Variants in PARVB observed in about 807,000 individuals in gnomAD.
The protein encoded by PARVB is parvin beta.
A neutral mutation model predicts 47.0 loss-of-function variants in PARVB; 46 were observed. The ratio of observed to expected loss-of-function variants is 0.98; its 90% CI spans 0.77 to 1.25. PARVB has a LOEUF of 1.25. Among genes scored for constraint, PARVB ranks in the 50% most tolerant of loss-of-function variants. The probability of loss-of-function intolerance (pLI) is 0.00; values close to 1 mark genes in which losing one functional copy is unlikely to be tolerated. For missense variants in PARVB, 473 were observed against 471.6 expected (o/e 1.00, Z -0.03); for synonymous variants, 196 against 196.3 (o/e 1.00, Z 0.01).
chr22:44,048,813 GC>G (rs1361850076), intron 1 of PARVB, among the ~76,000 whole-genome samples: 34 of 152,238 alleles, frequency 2.2e-4, no homozygotes, highest in Non-Finnish European at 5.9e-5. Flanking sequence ...GCCTGCCTCG[GC>G]CTCTCAAAGT....
chr22:44,087,331 C>T (rs2052047322), intron 1 of PARVB, among the ~76,000 whole-genome samples: 1 of 152,216 alleles, frequency 6.6e-6, no homozygotes, highest in East Asian at 1.9e-4. Flanking sequence ...AAATGACACA[C>T]TTAGAAAAGT....
chr22:44,064,509 C>T (rs1480421302), intron 1 of PARVB, among the ~76,000 whole-genome samples: 1 of 152,184 alleles, frequency 6.6e-6, no homozygotes, highest in African/African-American at 2.4e-5. Flanking sequence ...AGGGGCAGTT[C>T]TCACCTGTGG....
chr22:44,043,048 A>G (rs1569071576), intron 1 of PARVB, among the ~76,000 whole-genome samples: 2 of 152,234 alleles, frequency 1.3e-5, no homozygotes, highest in Non-Finnish European at 2.9e-5. Context: ...TGCTCCATCC[A>G]TACGATAGAA....
chr22:44,029,937 C>G (rs1170095606), intron 1 of PARVB, among the ~76,000 whole-genome samples: 1 of 151,870 alleles, frequency 6.6e-6, no homozygotes, highest in Non-Finnish European at 1.5e-5. Context: ...GAAAAGAAAT[C>G]ACTAGGTAGC....
chr22:44,091,876 T>A (rs2052175762), intron 1 of PARVB, among the ~76,000 whole-genome samples: 1 of 152,108 alleles, frequency 6.6e-6, no homozygotes, highest in Non-Finnish European at 1.5e-5. Context: ...GCAAATATAT[T>A]ACCTTCGGGG....
chr22:44,086,386 G>T lies in PARVB; in HGVS notation c.113-7542G>T, dbSNP rs2052024884. On this transcript the variant is annotated intron_variant, in intron 1 of 12. Coordinates refer to ENST00000338758, the MANE Select transcript of PARVB (RefSeq NM_013327.5). ...CTCTCTGGCACTGTTAGCCTTTGCT[G>T]CCTTTTATCCTAGGCAAGACACTTT... 3.9e-5 allele frequency among the ~76,000 whole-genome samples: 6 copies of T among 152,196 alleles called. No individual in the cohort carries two copies. In the South Asian group the frequency reaches 1.2e-3, roughly 32 times the overall value.
intron 1 of PARVB, among the ~76,000 whole-genome samples, chr22:44,033,269 T>C (rs1165876926): frequency 6.6e-6 from 1 of 152,164 alleles, no homozygotes; most frequent in East Asian, 1.9e-4. Flanking sequence ...CTCAAACTCC[T>C]GACCTCAACT....
rs138317941 is a variant in PARVB at position 44,156,556 on chromosome 22, C to T, written c.844-1426C>T. ...CCACCCAAAGTGCTAGGATTACAGG[C>T]GTGAGCCACTGCGCCTAGAAGTTTT... On this transcript the variant is annotated intron_variant, in intron 10 of 12. Transcript: ENST00000338758. Among the ~76,000 whole-genome samples, 534 of 152,128 alleles carry T rather than the reference C, an allele frequency of 3.5e-3. 6 individuals carry two copies. Among genetic ancestry groups the T allele is most frequent in the African/African-American group, 0.012 (501 of 41,512 alleles).
At chr22:44,136,602 C>T in intron 7 of PARVB, 84 bp downstream of exon 7, 1 of 1,142,676 alleles carries the variant, frequency 8.8e-7, no homozygotes, top group Admixed American at 1.7e-5. Flanking sequence ...CCAGGGACAC[C>T]AGCGCCCATG....
At chr22:44,066,075 C>G (rs1318375533) in intron 1 of PARVB, among the ~76,000 whole-genome samples, 1 of 152,174 alleles carries the variant, frequency 6.6e-6, no homozygotes, top group Non-Finnish European at 1.5e-5. Context: ...TTAAAAGCTG[C>G]TAAAAAGGAA....
intron 8 of PARVB, chr22:44,140,674 A>G (rs574426300): frequency 1.6e-5 from 8 of 498,662 alleles, no homozygotes; most frequent in Non-Finnish European, 2.4e-5. Context: ...TCATCCGTGA[A>G]ATGGGAGTGT....
At chr22:44,163,115 G>A (rs1385642600) in intron 11 of PARVB, among the ~76,000 whole-genome samples, 1 of 152,186 alleles carries the variant, frequency 6.6e-6, no homozygotes, top group African/African-American at 2.4e-5. Context: ...GCAGTGCCAG[G>A]CCTGCGTGCC....
rs1222611481 is a variant in PARVB at position 44,068,171 on chromosome 22, C to G, written c.113-25757C>G. ...AGCCAGCCTCAGGAAAGAGCTTCCA[C>G]AGGGAGTTGGGGGACTGGTAATTGG... On this transcript the variant is annotated intron_variant, in intron 1 of 12. Coordinates refer to ENST00000338758, the MANE Select transcript of PARVB (RefSeq NM_013327.5). This position sits in a 1 kb window ranked among gnomAD's most constrained non-coding sequence, Gnocchi z 4.1. Among the ~76,000 whole-genome samples the G allele has an allele frequency of 2.0e-5, 3 of 152,188 alleles. No individual in the cohort carries two copies. Among genetic ancestry groups the G allele is most frequent in the Non-Finnish European group, 2.9e-5 (2 of 68,038 alleles).
intron 9 of PARVB, chr22:44,148,707 G>C (rs1396850863): frequency 6.6e-6 from 1 of 152,204 alleles, no homozygotes; most frequent in African/African-American, 2.4e-5. Flanking sequence ...TCTCCAAGAG[G>C]GAGCTTGGTA....
chr22:44,092,966 A>G (rs2052207991), intron 1 of PARVB, among the ~76,000 whole-genome samples: 3 of 152,222 alleles, frequency 2.0e-5, no homozygotes, highest in Admixed American at 2.0e-4. Context: ...CTCCGGGCAC[A>G]CTGGCCTGGG....
intron 2 of PARVB, among the ~76,000 whole-genome samples, chr22:43,999,850 A>G (rs956109219): frequency 6.7e-6 from 1 of 149,242 alleles, no homozygotes; most frequent in Non-Finnish European, 1.5e-5. Flanking sequence ...AAAAAAAAAA[A>G]AAAAAAAACA....
At chr22:44,033,511 G>T (rs67261379) in intron 1 of PARVB, among the ~76,000 whole-genome samples, 34,705 of 152,044 alleles carry the variant, frequency 0.23, 5,015 homozygotes, top group African/African-American at 0.42. Context: ...AGAACATTTG[G>T]CAGTCTCTGA....
In PARVB at chr22:44,168,695, G is replaced by C; in HGVS notation, c.*17G>C. Reference sequence around the variant, plus strand: ...GTGGAGTGACGGGGGAGCTGTGGATGGTGGCAGGAGTGTCCCAGCAAGAAA... The same window carrying C: ...GTGGAGTGACGGGGGAGCTGTGGATCGTGGCAGGAGTGTCCCAGCAAGAAA... On this transcript the variant is annotated 3_prime_UTR_variant, in exon 13 of 13. Transcript: ENST00000338758. 2 of 1,556,822 alleles carry C rather than the reference G, an allele frequency of 1.3e-6. No individual in the cohort carries two copies. Among genetic ancestry groups the C allele is most frequent in the Non-Finnish European group, 1.8e-6 (2 of 1,128,088 alleles).
chr22:44,101,241 C>G (rs1366793075), intron 3 of PARVB, among the ~76,000 whole-genome samples: 9 of 151,436 alleles, frequency 5.9e-5, no homozygotes, highest in African/African-American at 2.2e-4. Context: ...AACCCCGTCT[C>G]TACTAAAAAT....
Sources: gnomAD v4.1 joint callset for allele counts (sites outside exome capture counted in the v4.1 genomes callset) on GRCh38, gnomAD v4.1.1 for gene constraint, Gnocchi (gnomAD v3.1) non-coding constraint, MANE v1.5 for transcripts, NCBI Gene and HGNC (gene_info 2026-07-23, HGNC 2026-07-21) for gene names.